BCL2L11: variants seen among roughly 807,000 people sequenced by gnomAD.
BCL2L11 encodes bcl-2-like protein 11.
BCL2L11 carries 15 observed loss-of-function variants against 20.6 expected under a neutral mutation model. That is an observed-to-expected ratio of 0.73 (90% confidence interval 0.49 to 1.12). BCL2L11 has a LOEUF of 1.12. BCL2L11 is among the 50% of genes most tolerant of loss of function. The probability of loss-of-function intolerance (pLI) is 0.00; values close to 1 mark genes in which losing one functional copy is unlikely to be tolerated. For synonymous variants in BCL2L11, 108 were observed against 92.8 expected, an observed-to-expected ratio of 1.16 and a Z score of -0.94; for missense variants, 292 against 260.9, an observed-to-expected ratio of 1.12 and a Z score of -0.82.
chr2:111,133,950 A>G (rs527980266), intron 2 of BCL2L11, among the ~76,000 whole-genome samples: 10 of 152,292 alleles, frequency 6.6e-5, no homozygotes, highest in Middle Eastern at 6.8e-3. Context: ...TCATTGCTGT[A>G]AAATGTACTT....
chr2:111,154,961 G>A (rs1456000198), intron 3 of BCL2L11, among the ~76,000 whole-genome samples: 2 of 152,252 alleles, frequency 1.3e-5, no homozygotes, highest in Non-Finnish European at 2.9e-5. Context: ...CCCAGGGGCT[G>A]TGAAGGTCAC....
intron 3 of BCL2L11, chr2:111,151,828 A>G: frequency 6.5e-7 from 1 of 1,547,220 alleles, no homozygotes; most frequent in Non-Finnish European, 8.7e-7. Context: ...TAAGCTGGCA[A>G]AACTCCTGGC....
At chr2:111,153,074 T>G (rs1427372582) in intron 3 of BCL2L11, among the ~76,000 whole-genome samples, 2 of 152,114 alleles carry the variant, frequency 1.3e-5, no homozygotes, top group Non-Finnish European at 2.9e-5. Context: ...TATTCAGATT[T>G]TATAAATAGC....
chr2:111,121,747 G>C (rs1395601611), intron 1 of BCL2L11, among the ~76,000 whole-genome samples: 1 of 152,192 alleles, frequency 6.6e-6, no homozygotes, highest in African/African-American at 2.4e-5. Context: ...GGCCACTGCT[G>C]CGTTCGCTTT....
chr2:111,124,017 G>A lies in BCL2L11; in HGVS notation c.272G>A (p.Arg91Gln), dbSNP rs778682749. 3.7e-6 allele frequency: 6 copies of A among 1,614,180 alleles called. No homozygotes were observed. Among genetic ancestry groups the A allele is most frequent in the Non-Finnish European group, 5.1e-6 (6 of 1,180,032 alleles). The change falls in exon 2 of 4, where the codon CGA becomes CAA. Residue 91 changes from arginine (R) to glutamine (Q), a missense_variant. Transcript: ENST00000393256. ...IFMRRSSLLS[R>Q]SSSGYFSFDT... ...ATGAGAAGATCCTCCCTGCTGTCTC[G>A]ATCCTCCAGTGGGTATTTCTCTTTT...
rs181005249 is a variant in BCL2L11 at position 111,160,858 on chromosome 2, A to G, written c.499-3275A>G. Among the ~76,000 whole-genome samples the G allele has an allele frequency of 4.4e-4, 67 of 152,362 alleles. 1 individual carries two copies. The East Asian group carries it at 0.012, about 27-fold the overall frequency. On this transcript the variant is annotated intron_variant, in intron 3 of 3. Coordinates refer to ENST00000393256, the MANE Select transcript of BCL2L11 (RefSeq NM_138621.5). The stretch of plus-strand genomic sequence containing the variant: ...CAACTCTGTAAGAAGGATTGTTTTC[A>G]CTTAAAGAGTGACAGACTGAGAGCA...
chr2:111,162,091 G>T (rs2078630914), intron 3 of BCL2L11, among the ~76,000 whole-genome samples: 1 of 152,212 alleles, frequency 6.6e-6, no homozygotes, highest in Admixed American at 6.5e-5. Context: ...AGAGGTAGGG[G>T]CTGCCCATCC....
At chr2:111,130,713 A>C (rs1258441738) in intron 2 of BCL2L11, among the ~76,000 whole-genome samples, 1 of 152,206 alleles carries the variant, frequency 6.6e-6, no homozygotes, top group African/African-American at 2.4e-5. Context: ...TTCTGTTTTT[A>C]ATCATTAAAT....
In BCL2L11 at chr2:111,141,801, C is replaced by T. The variant is rs888844927; in HGVS notation, c.395-8243C>T. On this transcript the variant is annotated intron_variant, in intron 2 of 3. Coordinates refer to ENST00000393256, the MANE Select transcript of BCL2L11 (RefSeq NM_138621.5). The stretch of plus-strand genomic sequence containing the variant: ...GCAATCTCCGCCTCCCAGGTTCACG[C>T]GATTCTCCTGCCTCAGCCTCCTGAG... 5.3e-5 allele frequency among the ~76,000 whole-genome samples: 8 copies of T among 151,650 alleles called. No individual in the cohort carries two copies. In the East Asian group the frequency reaches 5.8e-4, roughly 11 times the overall value.
At chr2:111,125,787 C>A (rs1404296117) in intron 2 of BCL2L11, among the ~76,000 whole-genome samples, 1 of 152,134 alleles carries the variant, frequency 6.6e-6, no homozygotes, top group African/African-American at 2.4e-5. Context: ...TTTTTAGGGT[C>A]CCTCCTTAGG....
chr2:111,134,441 C>T (rs2074497219), intron 2 of BCL2L11, among the ~76,000 whole-genome samples: 1 of 152,104 alleles, frequency 6.6e-6, no homozygotes, highest in Admixed American at 6.5e-5. Context: ...AGAAACCTTA[C>T]TTTTCTTTAG....
intron 3 of BCL2L11, among the ~76,000 whole-genome samples, chr2:111,155,320 C>T (rs376828663): frequency 1.3e-5 from 2 of 152,156 alleles, no homozygotes; most frequent in African/African-American, 4.8e-5. Flanking sequence ...TCTTCAGTAG[C>T]GGTTGCCAGT....
intron 2 of BCL2L11, among the ~76,000 whole-genome samples, chr2:111,127,038 A>C (rs1186032494): frequency 6.6e-6 from 1 of 152,162 alleles, no homozygotes; most frequent in Non-Finnish European, 1.5e-5. Context: ...GATTTTTCTG[A>C]AGACAAGTTC....
chr2:111,128,559 C>T lies in BCL2L11; in HGVS notation c.394+4420C>T. On this transcript the variant is annotated intron_variant, in intron 2 of 3. Transcript: ENST00000393256. ...AGGCTGTGCCATTTTACATTCCCAC[C>T]AACAGGGCACAAGGGTTCCAGTTTC... The T allele has an allele frequency of 2.1e-6, 3 of 1,430,300 alleles. No individual in the cohort carries two copies. In the Admixed American group the frequency reaches 9.0e-5, roughly 43 times the overall value. 88.6% of individuals were successfully genotyped at this position (1,430,300 alleles called of 1,614,324 possible). A position where few individuals can be genotyped will look rare whatever the true frequency, so the allele number is the denominator to read the frequency against.
intron 2 of BCL2L11, among the ~76,000 whole-genome samples, chr2:111,134,641 C>A (rs1039567404): frequency 2.6e-5 from 4 of 152,232 alleles, no homozygotes; most frequent in East Asian, 3.9e-4. Context: ...AAGTTCTAAG[C>A]TTTCTTCTTT....
chr2:111,126,185 T>G (rs2072556660), intron 2 of BCL2L11, among the ~76,000 whole-genome samples: 1 of 152,168 alleles, frequency 6.6e-6, no homozygotes, highest in Non-Finnish European at 1.5e-5. Flanking sequence ...GTGGGTGAGA[T>G]AGTGTATTTT....
At chr2:111,154,672 T>C (rs2077628145) in intron 3 of BCL2L11, among the ~76,000 whole-genome samples, 1 of 152,270 alleles carries the variant, frequency 6.6e-6, no homozygotes, top group African/African-American at 2.4e-5. Flanking sequence ...AGGTTCACTT[T>C]GATCCAAGGT....
At chr2:111,137,548 C>T (rs530351572) in intron 2 of BCL2L11, among the ~76,000 whole-genome samples, 1 of 152,206 alleles carries the variant, frequency 6.6e-6, no homozygotes, top group South Asian at 2.1e-4. Flanking sequence ...CAGGCTTGGT[C>T]CTGTGCTGAC....
At chr2:111,163,179 C>CCCGCGACGGTGTGTTGGAGGTAA (rs1436109261) in intron 3 of BCL2L11, 4 of 152,388 alleles carry the variant, frequency 2.6e-5, no homozygotes, top group African/African-American at 9.7e-5. Context: ...GCAGGTGGTT[C>CCCGCGACGGTGTGTTGGAGGTAA]CCGCGACGGT....
Sources: allele counts gnomAD v4.1 joint callset (sites outside exome capture counted in the v4.1 genomes callset), GRCh38; gene constraint gnomAD v4.1.1; transcripts MANE v1.5; gene names NCBI Gene and HGNC (gene_info 2026-07-23, HGNC 2026-07-21).